Variants in CREB5 observed in about 807,000 individuals in gnomAD.
CREB5 encodes the protein cAMP responsive element binding protein 5.
CREB5 carries 19 observed loss-of-function variants against 57.1 expected under a neutral mutation model. That is an observed-to-expected ratio of 0.33 (90% CI 0.23 to 0.49). The LOEUF (loss-of-function observed/expected upper bound fraction) is 0.49, where lower values mean the gene tolerates loss of function less well. CREB5 is among the 20% of genes least tolerant of loss of function. The probability of loss-of-function intolerance (pLI) is 0.99; values close to 1 mark genes in which losing one functional copy is unlikely to be tolerated. For missense variants in CREB5, 579 were observed against 671.6 expected (o/e 0.86, Z 1.52); for synonymous variants, 238 against 238.3 (o/e 1.00, Z 0.01).
intron 1 of CREB5, among the ~76,000 whole-genome samples, chr7:28,450,320 A>C (rs1197837776): frequency 6.6e-6 from 1 of 152,216 alleles, no homozygotes; most frequent in Non-Finnish European, 1.5e-5. Flanking sequence ...GGCTTTACAT[A>C]ATATGACACT....
At chr7:28,425,171 A>G (rs902413717) in intron 1 of CREB5, among the ~76,000 whole-genome samples, 8 of 152,174 alleles carry the variant, frequency 5.3e-5, no homozygotes, top group Non-Finnish European at 8.8e-5. Context: ...GTTACTTGTA[A>G]TGGCCAAAAA....
chr7:28,332,942 A>G (rs1269562164), intron 1 of CREB5, among the ~76,000 whole-genome samples: 1 of 152,234 alleles, frequency 6.6e-6, no homozygotes, highest in African/African-American at 2.4e-5. Context: ...TCACCAATAT[A>G]ATGAGACTAT....
intron 7 of CREB5, among the ~76,000 whole-genome samples, chr7:28,760,249 A>T (rs1416020965): frequency 6.6e-6 from 1 of 152,212 alleles, no homozygotes; most frequent in African/African-American, 2.4e-5. Flanking sequence ...TTTCTAAATC[A>T]GATTGAGTTT....
In CREB5 at chr7:28,300,060, T is replaced by C. The variant is rs1168221536; in HGVS notation, c.-25+619T>C. Among the ~76,000 whole-genome samples, 7 of 40,634 alleles carry C rather than the reference T, an allele frequency of 1.7e-4. No homozygotes were observed. In the Admixed American group the frequency reaches 2.4e-3, roughly 14 times the overall value. The allele number at this position is 40,634 out of a possible 152,430, so 26.7% of individuals were successfully genotyped here. A position where few individuals can be genotyped will look rare whatever the true frequency, so the allele number is the denominator to read the frequency against. On this transcript the variant is annotated intron_variant, in intron 1 of 9. Transcript: ENST00000396299. ...TATACTGCTTTTTAGCTTTATTTAT[T>C]TATTTATTTATTTATTTATTTATTT...
At chr7:28,316,550 G>A (rs373184111) in intron 1 of CREB5, among the ~76,000 whole-genome samples, 2 of 152,000 alleles carry the variant, frequency 1.3e-5, no homozygotes, top group African/African-American at 2.4e-5. Context: ...GAAATGCACC[G>A]CCAGATCCTG....
At chr7:28,720,094 A>T (rs543684948) in intron 6 of CREB5, among the ~76,000 whole-genome samples, 11 of 152,134 alleles carry the variant, frequency 7.2e-5, no homozygotes, top group Admixed American at 7.2e-4. Context: ...ATAGATAAAC[A>T]TAGAAGGGAG....
intron 5 of CREB5, among the ~76,000 whole-genome samples, chr7:28,635,194 G>A (rs1798368727): frequency 1.3e-5 from 2 of 152,194 alleles, no homozygotes; most frequent in Admixed American, 1.3e-4. Flanking sequence ...GGCTTGGAAT[G>A]ACTGTCGAGT....
Position 28,718,780 on chromosome 7 carries a change from G to A in CREB5, c.492G>A (p.Leu164=), listed in dbSNP as rs115451849. 2.5e-4 allele frequency: 401 copies of A among 1,613,994 alleles called. 2 individuals are homozygous for A. The African/African-American group carries it at 4.6e-3, about 19-fold the overall frequency. The change falls in exon 6 of 11, where the codon CTG becomes CTA. Residue 164 remains leucine (L), a synonymous_variant. Coordinates refer to ENST00000357727, the MANE Select transcript of CREB5 (RefSeq NM_182898.4). The part of the protein sequence containing the change: ...IGPVPGSLSS[L]LHLHNRQRQP... ...CTGTCCCAGGCTCTCTATCTTCTCT[G>A]CTACATCTCCACAACAGACAGAGAC...
At chr7:28,327,851 T>C (rs1310529293) in intron 1 of CREB5, among the ~76,000 whole-genome samples, 1 of 152,212 alleles carries the variant, frequency 6.6e-6, no homozygotes, top group Non-Finnish European at 1.5e-5. Flanking sequence ...GCAGATAAGA[T>C]GGCTTCTTCA....
chr7:28,381,047 G>A (rs1015962992), intron 1 of CREB5, among the ~76,000 whole-genome samples: 1 of 152,022 alleles, frequency 6.6e-6, no homozygotes, highest in Admixed American at 6.5e-5. Context: ...ATTACATCCC[G>A]GTTCCAGAAA....
At chr7:28,560,889 T>TGCGTGTGCGTGCGTGCGTGC (rs1310018316) in intron 4 of CREB5, among the ~76,000 whole-genome samples, 1 of 18,210 alleles carries the variant, frequency 5.5e-5, no homozygotes, top group Non-Finnish European at 1.0e-4. Flanking sequence ...CGTGCGTGCG[T>TGCGTGTGCGTGCGTGCGTGC]GTGTGTGCGT....
Position 28,537,305 on chromosome 7 carries a change from C to T in CREB5, c.291+29568C>T, listed in dbSNP as rs111316925. 7.7e-4 allele frequency among the ~76,000 whole-genome samples: 117 copies of T among 152,046 alleles called. 1 individual carries two copies. Among genetic ancestry groups the T allele is most frequent in the African/African-American group, 2.8e-3 (116 of 41,476 alleles). ...CTCATATGGTTACCCATTTTTTCCC[C>T]AATAAATGTTTAGAACAGCTCTGAA... On this transcript the variant is annotated intron_variant, in intron 4 of 10. Coordinates refer to ENST00000357727, the MANE Select transcript of CREB5 (RefSeq NM_182898.4).
chr7:28,647,379 C>G (rs978977905), intron 5 of CREB5, among the ~76,000 whole-genome samples: 1 of 151,932 alleles, frequency 6.6e-6, no homozygotes, highest in African/African-American at 2.4e-5. Flanking sequence ...AAATTCCCCC[C>G]AAAAGAGGAA....
At chr7:28,740,073 G>A (rs1390307550) in intron 7 of CREB5, among the ~76,000 whole-genome samples, 2 of 152,174 alleles carry the variant, frequency 1.3e-5, no homozygotes, top group Admixed American at 6.5e-5. Context: ...AGGAATGGGG[G>A]TGGGGGTTTA....
intron 7 of CREB5, among the ~76,000 whole-genome samples, chr7:28,757,619 G>A (rs2128767485): frequency 6.6e-6 from 1 of 151,640 alleles, no homozygotes; most frequent in South Asian, 2.1e-4. Flanking sequence ...CTTGCAGTGA[G>A]CCGAGATCAC....
intron 5 of CREB5, among the ~76,000 whole-genome samples, chr7:28,582,967 C>T (rs960395777): frequency 6.6e-6 from 1 of 152,018 alleles, no homozygotes; most frequent in Non-Finnish European, 1.5e-5. Flanking sequence ...ATCTAGGTGC[C>T]ATAATATAAA....
At chr7:28,655,479 C>T (rs1799300062) in intron 5 of CREB5, among the ~76,000 whole-genome samples, 1 of 151,982 alleles carries the variant, frequency 6.6e-6, no homozygotes, top group Non-Finnish European at 1.5e-5. Flanking sequence ...GGCATTGTGG[C>T]ACATACCTGT....
chr7:28,779,419 G>A (rs1364872339), intron 7 of CREB5, among the ~76,000 whole-genome samples: 10 of 152,192 alleles, frequency 6.6e-5, no homozygotes, highest in African/African-American at 2.4e-4. Context: ...AGATAAAGGA[G>A]AAGGGAGGAA....
intron 1 of CREB5, among the ~76,000 whole-genome samples, chr7:28,433,631 C>A (rs774297172): frequency 1.3e-5 from 2 of 152,156 alleles, no homozygotes; most frequent in Admixed American, 6.5e-5. Flanking sequence ...GCCGCCACAC[C>A]CGCCCAAAAT....
Sources: gnomAD v4.1 joint callset for allele counts (sites outside exome capture counted in the v4.1 genomes callset) on GRCh38, gnomAD v4.1.1 for gene constraint, MANE v1.5 for transcripts, NCBI Gene and HGNC (gene_info 2026-07-23, HGNC 2026-07-21) for gene names.